GMDS: variants seen among roughly 807,000 people sequenced by gnomAD.
GMDS encodes GDP-mannose 4,6-dehydratase.
In GMDS, 20 loss-of-function variants were observed where a neutral mutation model predicts 49.9. That is an observed-to-expected ratio of 0.40 (90% CI 0.28 to 0.58). The LOEUF is 0.58. Ranked by LOEUF, GMDS falls within the 20% of genes least tolerant of loss-of-function variation. GMDS has a pLI of 0.42. For missense variants in GMDS, 362 were observed against 481.4 expected (o/e 0.75, Z 2.32); for synonymous variants, 177 against 178.6 (o/e 0.99, Z 0.07).
At chr6:1,919,666 A>T (rs554101770) in intron 7 of GMDS, among the ~76,000 whole-genome samples, 1 of 152,348 alleles carries the variant, frequency 6.6e-6, no homozygotes, top group African/African-American at 2.4e-5. Flanking sequence ...ATTTGATCCC[A>T]AGAGTACAAT....
chr6:2,015,828 C>T (rs990252039), intron 4 of GMDS, among the ~76,000 whole-genome samples: 3 of 152,062 alleles, frequency 2.0e-5, no homozygotes, highest in Non-Finnish European at 4.4e-5. Flanking sequence ...TGCAGTTCAG[C>T]AAAACTAGCA....
intron 9 of GMDS, among the ~76,000 whole-genome samples, chr6:1,663,154 T>G (rs1764132783): frequency 6.6e-6 from 1 of 152,244 alleles, no homozygotes; most frequent in African/African-American, 2.4e-5. Flanking sequence ...TAGCTTTTCA[T>G]AGTGTCTTAT....
At chr6:2,237,933 A>T (rs1781439338) in intron 1 of GMDS, among the ~76,000 whole-genome samples, 1 of 152,186 alleles carries the variant, frequency 6.6e-6, no homozygotes, top group Non-Finnish European at 1.5e-5. Flanking sequence ...CAATCATGAA[A>T]CTAAAGGGAA....
At chr6:1,852,867 C>T (rs1169866411) in intron 7 of GMDS, among the ~76,000 whole-genome samples, 3 of 151,746 alleles carry the variant, frequency 2.0e-5, no homozygotes, top group Admixed American at 6.6e-5. Context: ...CCACCACGCC[C>T]GGCTAATTTT....
intron 9 of GMDS, among the ~76,000 whole-genome samples, chr6:1,646,211 C>G (rs1173015284): frequency 6.6e-6 from 1 of 152,164 alleles, no homozygotes; most frequent in Non-Finnish European, 1.5e-5. Context: ...CCAGGCTTTC[C>G]TTGCACCTCT....
chr6:2,160,475 T>C (rs1777340627), intron 1 of GMDS, among the ~76,000 whole-genome samples: 1 of 152,256 alleles, frequency 6.6e-6, no homozygotes, highest in South Asian at 2.1e-4. Context: ...TATTAACTCT[T>C]TTTTAAAATA....
intron 7 of GMDS, among the ~76,000 whole-genome samples, chr6:1,821,031 A>T (rs761250999): frequency 3.3e-5 from 5 of 152,192 alleles, no homozygotes; most frequent in African/African-American, 4.8e-5. Context: ...ACATGCTTAC[A>T]AAATGCCACC....
chr6:2,136,886 G>C (rs1018176818), intron 1 of GMDS, among the ~76,000 whole-genome samples: 2 of 140,066 alleles, frequency 1.4e-5, no homozygotes, highest in African/African-American at 5.4e-5. Context: ...CTGGGTGACA[G>C]AGTGAGACTT....
chr6:2,240,993 G>T (rs1215093344), intron 1 of GMDS, among the ~76,000 whole-genome samples: 1 of 152,218 alleles, frequency 6.6e-6, no homozygotes, highest in Non-Finnish European at 1.5e-5. Context: ...TGCTAAAGAG[G>T]TTGGCATGGA....
intron 9 of GMDS, among the ~76,000 whole-genome samples, chr6:1,694,139 A>G (rs898910562): frequency 1.3e-5 from 2 of 152,198 alleles, no homozygotes; most frequent in African/African-American, 4.8e-5. Context: ...ATGACTTGAC[A>G]AAGCATAATG....
chr6:2,134,262 T>C (rs1775883663), intron 1 of GMDS, among the ~76,000 whole-genome samples: 1 of 152,226 alleles, frequency 6.6e-6, no homozygotes, highest in Non-Finnish European at 1.5e-5. Context: ...GCTTTTAGGT[T>C]GTTCTTTATT....
At chr6:1,911,695 C>T (rs966292697) in intron 7 of GMDS, among the ~76,000 whole-genome samples, 15 of 152,240 alleles carry the variant, frequency 9.9e-5, no homozygotes, top group African/African-American at 3.1e-4. Flanking sequence ...CATATAATAA[C>T]GGCATGAACC....
chr6:1,950,574 A>G (rs1332928619), intron 6 of GMDS, among the ~76,000 whole-genome samples: 1 of 152,192 alleles, frequency 6.6e-6, no homozygotes, highest in Non-Finnish European at 1.5e-5. Context: ...AGCTATTTGA[A>G]TCCGAATGTT....
Position 1,901,727 on chromosome 6 carries a change from C to T in GMDS, c.771+28376G>A, listed in dbSNP as rs79685919. Among the ~76,000 whole-genome samples the T allele has an allele frequency of 4.6e-3, 695 of 152,254 alleles. 10 individuals carry two copies. Among genetic ancestry groups the T allele is most frequent in the African/African-American group, 0.016 (660 of 41,540 alleles). ...ACTGTCCCTAACTAGTCTGAAAAGA[C>T]ACAGGCCAGCCTTTGCTCATTCAGT... is the stretch of plus-strand genomic sequence containing the variant. On this transcript the variant is annotated intron_variant, in intron 7 of 10. Coordinates refer to ENST00000380815, the MANE Select transcript of GMDS (RefSeq NM_001500.4).
At chr6:1,786,154 T>A (rs922983220) in intron 7 of GMDS, among the ~76,000 whole-genome samples, 1 of 152,258 alleles carries the variant, frequency 6.6e-6, no homozygotes, top group African/African-American at 2.4e-5. Context: ...GGTCATATAA[T>A]CTATGCAGAA....
chr6:2,029,792 A>G (rs1186705574), intron 4 of GMDS, among the ~76,000 whole-genome samples: 1 of 152,158 alleles, frequency 6.6e-6, no homozygotes, highest in Non-Finnish European at 1.5e-5. Context: ...AATTTATTTA[A>G]AATTTTGACA....
chr6:2,063,276 G>C (rs1399939016), intron 4 of GMDS, among the ~76,000 whole-genome samples: 2 of 152,178 alleles, frequency 1.3e-5, no homozygotes, highest in Non-Finnish European at 2.9e-5. Context: ...AGTATACTCT[G>C]GTACTTCTGG....
At chr6:1,714,714 G>A (rs543700427) in intron 9 of GMDS, among the ~76,000 whole-genome samples, 24 of 152,346 alleles carry the variant, frequency 1.6e-4, no homozygotes, top group South Asian at 2.1e-4. Context: ...GCTCAGAGCC[G>A]GCAATGCCTC....
intron 8 of GMDS, among the ~76,000 whole-genome samples, chr6:1,736,169 T>C (rs1196133663): frequency 6.6e-6 from 1 of 152,192 alleles, no homozygotes; most frequent in African/African-American, 2.4e-5. Context: ...ATTTAGATCT[T>C]GCAGGTGCCA....
Sources: gnomAD v4.1 joint callset for allele counts (sites outside exome capture counted in the v4.1 genomes callset) on GRCh38, gnomAD v4.1.1 for gene constraint, MANE v1.5 for transcripts, NCBI Gene and HGNC (gene_info 2026-07-23, HGNC 2026-07-21) for gene names.